Variants in ZNF665 observed in about 807,000 individuals in gnomAD.
The protein encoded by ZNF665 is zinc finger protein 665.
A neutral mutation model predicts 7.9 loss-of-function variants in ZNF665; 6 were observed. The observed-to-expected ratio is 0.76, with a 90% confidence interval of 0.42 to 1.50. The LOEUF (loss-of-function observed/expected upper bound fraction) is 1.50, where lower values mean the gene tolerates loss of function less well. Ranked by LOEUF, ZNF665 falls within the 40% of genes most tolerant of loss-of-function variation. The pLI, the probability that ZNF665 is intolerant of heterozygous loss-of-function variation, is 0.01. For synonymous variants in ZNF665, 242 were observed against 274.5 expected (o/e 0.88, Z 1.17); for missense variants, 819 against 806.7 (o/e 1.02, Z -0.18).
chr19:53,193,155 C>T (rs1233331143), intron 1 of ZNF665, among the ~76,000 whole-genome samples, 157 bp downstream of exon 1: 1 of 152,072 alleles, frequency 6.6e-6, no homozygotes, highest in East Asian at 1.9e-4. Context: ...TAACCCAAAG[C>T]GATGCGACCC....
chr19:53,176,103 G>A (rs1159189930), intron 2 of ZNF665, among the ~76,000 whole-genome samples: 1 of 152,210 alleles, frequency 6.6e-6, no homozygotes, highest in Non-Finnish European at 1.5e-5. Flanking sequence ...AGAGGTTGCA[G>A]TGAGCCGAGA....
chr19:53,182,350 G>A (rs2090744270), intron 2 of ZNF665: 1 of 256,860 alleles, frequency 3.9e-6, no homozygotes, highest in Non-Finnish European at 7.6e-6. Flanking sequence ...CAGCCTAGGC[G>A]ACAGAGCGAG....
In ZNF665 at chr19:53,165,943, A is replaced by G. The variant is rs550027599; in HGVS notation, c.547T>C (p.Cys183Arg). The stretch of plus-strand genomic sequence containing the variant: ...GAGTTTTGACTGAAGACCTTGCCAC[A>G]TTCATCACATTTATAATGTTTTCCT... ...NRGKHYKCDE[C>R]GKVFSQNSRL... Residue 183 changes from cysteine to arginine, a missense_variant, in exon 4 of 4, where the codon TGT (cysteine) becomes CGT (arginine). Cys to Arg is a radical substitution (Grantham distance 180). Coordinates refer to ENST00000396424, the MANE Select transcript of ZNF665 (RefSeq NM_024733.5). The G allele has an allele frequency of 1.4e-5, 22 of 1,614,050 alleles. No individual in the cohort carries two copies. In the East Asian group the frequency reaches 4.7e-4, roughly 34 times the overall value.
At position 53,179,148 on chromosome 19, in the gene ZNF665, T is replaced by C. The variant is rs1034495556; in HGVS notation, c.16-3577A>G. On this transcript the variant is annotated intron_variant, in intron 2 of 3. Transcript: ENST00000396424. ...CAGCACTTTGGGAGGCCGAGGCGGG[T>C]GGATCACGAGGTCAGGAGATCGAGA... 2.2e-4 allele frequency among the ~76,000 whole-genome samples: 34 copies of C among 151,782 alleles called. 1 individual carries two copies. In the East Asian group the frequency reaches 4.9e-3, roughly 22 times the overall value.
intron 1 of ZNF665, among the ~76,000 whole-genome samples, chr19:53,192,959 G>A (rs958691454): frequency 1.3e-5 from 2 of 152,188 alleles, no homozygotes; most frequent in Admixed American, 6.5e-5. Context: ...GGGCTGCGGC[G>A]CTAACGCTCC....
intron 1 of ZNF665, among the ~76,000 whole-genome samples, chr19:53,192,155 C>T (rs1025737094): frequency 2.0e-5 from 3 of 151,004 alleles, no homozygotes; most frequent in Admixed American, 6.6e-5. Context: ...TCTTATTCCT[C>T]TTTCACCCGT....
At chr19:53,184,292 C>A (rs142731651) in intron 1 of ZNF665, among the ~76,000 whole-genome samples, 19 of 152,240 alleles carry the variant, frequency 1.2e-4, no homozygotes, top group African/African-American at 4.3e-4. Context: ...TTTTAAAACA[C>A]TGGATTTCTT....
intron 3 of ZNF665, 53 bp from the exon 4 acceptor site, chr19:53,166,400 C>G (rs12460233): frequency 7.0e-7 from 1 of 1,435,074 alleles, no homozygotes; most frequent in Non-Finnish European, 9.3e-7. Context: ...AGGTAAATAA[C>G]TATTTCCCAT....
intron 2 of ZNF665, among the ~76,000 whole-genome samples, chr19:53,177,867 T>G (rs2090710331): frequency 6.6e-6 from 1 of 152,200 alleles, no homozygotes; most frequent in Non-Finnish European, 1.5e-5. Context: ...CCCATTTTAC[T>G]GTGGGGACAA....
intron 3 of ZNF665, among the ~76,000 whole-genome samples, chr19:53,168,054 TC>T (rs1397631001): frequency 0.021 from 240 of 11,296 alleles, 1 homozygote; most frequent in African/African-American, 0.09. Flanking sequence ...TGACTCCCTC[TC>T]AAAAAAAAAA....
chr19:53,182,050 G>C (rs1472533424), intron 2 of ZNF665: 1 of 152,246 alleles, frequency 6.6e-6, no homozygotes, highest in Admixed American at 6.5e-5. Context: ...CTGCCTGAGG[G>C]ATAAGTTTCT....
chr19:53,174,062 C>T (rs1378559374), intron 3 of ZNF665, among the ~76,000 whole-genome samples: 1 of 152,164 alleles, frequency 6.6e-6, no homozygotes, highest in Non-Finnish European at 1.5e-5. Flanking sequence ...AAAGGAGAAG[C>T]AGCCAGTGTT....
rs1457829314 is a variant in ZNF665, at chr19:53,164,339, T to C, written c.*114A>G. 15 of 805,364 alleles carry C rather than the reference T, an allele frequency of 1.9e-5. No homozygotes were observed. The highest frequency in any genetic ancestry group is 1.7e-4 in the African/African-American group (10 of 58,042). The allele number at this position is 805,364 out of a possible 1,614,324, so 49.9% of individuals were successfully genotyped here. On this transcript the variant is annotated 3_prime_UTR_variant, in exon 4 of 4. Coordinates refer to ENST00000396424, the MANE Select transcript of ZNF665 (RefSeq NM_024733.5). ...TTTTAGTAGAGACAGCGTTTCACCG[T>C]GTTGGCCAGCCTGGTCTCGAACTCG... is the stretch of plus-strand genomic sequence containing the variant.
In ZNF665 at chr19:53,165,702, T is replaced by G. The variant is rs1188534908; in HGVS notation, c.788A>C (p.Lys263Thr). 6.2e-7 allele frequency: 1 copy of G among 1,614,172 alleles called. No homozygotes were observed. The highest frequency in any genetic ancestry group is 1.7e-5 in the Admixed American group (1 of 60,020). Residue 263 changes from lysine (K) to threonine (T), a missense_variant, in exon 4 of 4, where the codon AAG (lysine) becomes ACG (threonine). By Grantham distance (78) the Lys-to-Thr change is moderately conservative. Coordinates refer to ENST00000396424, the MANE Select transcript of ZNF665 (RefSeq NM_024733.5). ...QRIHTGEKPY[K>T]CNECGKAFRA... ...AAAGGCTTTGCCACACTCATTACAC[T>G]TGTAAGGTTTCTCTCCAGTATGAAT...
In ZNF665 at chr19:53,183,251, AC is replaced by A. The variant is rs573486609; in HGVS notation, c.-45-309del. ...GAATGAGCTTCTGTTCGGGGCACAGACCCAGCCCTGACCAAACCCCATGCTG... is the reference window on the plus strand; with the variant it reads ...GAATGAGCTTCTGTTCGGGGCACAGACCAGCCCTGACCAAACCCCATGCTG... On this transcript the variant is annotated intron_variant, in intron 1 of 3. Coordinates refer to ENST00000396424, the MANE Select transcript of ZNF665 (RefSeq NM_024733.5). Among the ~76,000 whole-genome samples, 71 of 152,182 alleles carry A rather than the reference AC, an allele frequency of 4.7e-4. No individual in the cohort carries two copies. The Middle Eastern group carries it at 0.031, about 66-fold the overall frequency.
chr19:53,165,319 T>A lies in ZNF665; in HGVS notation c.1171A>T (p.Lys391Ter), dbSNP rs1415742990. 6.2e-6 allele frequency: 10 copies of A among 1,613,464 alleles called. No individual in the cohort carries two copies. Among genetic ancestry groups the A allele is most frequent in the Non-Finnish European group, 8.5e-6 (10 of 1,179,624 alleles). ...TCTCCGGTATGGATGATCTGATGCT[T>A]AGTTAAGTTTGAATGCATACTGAAG... ...KAFSMHSNLT[K>*]HQIIHTGEKP... Residue 391 changes from lysine to a stop codon, truncating the protein, a stop_gained, in exon 4 of 4, where the codon AAG (lysine) becomes TAG (stop). Transcript: ENST00000396424. LOFTEE classifies it low-confidence loss of function (END_TRUNC).
intron 2 of ZNF665, among the ~76,000 whole-genome samples, chr19:53,177,973 A>G (rs1226767321): frequency 1.3e-5 from 2 of 152,222 alleles, no homozygotes; most frequent in African/African-American, 4.8e-5. Context: ...ATTAAAATTA[A>G]ACCTAAGCAA....
intron 2 of ZNF665, among the ~76,000 whole-genome samples, chr19:53,180,205 G>A (rs2090728147): frequency 6.6e-6 from 1 of 152,146 alleles, no homozygotes; most frequent in Admixed American, 6.5e-5. Context: ...GGCCGAGTTA[G>A]ATGGATCACC....
At chr19:53,170,800 A>T (rs772766212) in intron 3 of ZNF665, among the ~76,000 whole-genome samples, 1 of 152,196 alleles carries the variant, frequency 6.6e-6, no homozygotes, top group African/African-American at 2.4e-5. Flanking sequence ...TGGACAATGT[A>T]GGGGTTAAGA....
Sources: allele counts gnomAD v4.1 joint callset (sites outside exome capture counted in the v4.1 genomes callset), GRCh38; gene constraint gnomAD v4.1.1; transcripts MANE v1.5; gene names NCBI Gene and HGNC (gene_info 2026-07-23, HGNC 2026-07-21).